The following IL3 variants were observed in gnomAD, a reference collection of about 807,000 sequenced individuals.
IL3 encodes the protein interleukin-3.
IL3 carries 15 observed loss-of-function variants against 15.4 expected under a neutral mutation model. The ratio of observed to expected loss-of-function variants is 0.97; its 90% CI spans 0.65 to 1.50. The LOEUF (loss-of-function observed/expected upper bound fraction) is 1.50. Ranked by LOEUF, IL3 falls within the 40% of genes most tolerant of loss-of-function variation. The pLI is 0.00. For synonymous variants in IL3, 74 were observed against 79.3 expected, an observed-to-expected ratio of 0.93 and a Z score of 0.36; for missense variants, 162 against 192.2, an observed-to-expected ratio of 0.84 and a Z score of 0.93.
At chr5:132,060,946 T>C in intron 1 of IL3, 21 bp from the exon 2 acceptor site, 3 of 1,614,006 alleles carry the variant, frequency 1.9e-6, no homozygotes, top group Non-Finnish European at 2.5e-6. Context: ...CATGGGCCTT[T>C]CTCTCCCTTC....
chr5:132,063,094 G>T lies in IL3; in HGVS notation c.*303G>T. On this transcript the variant is annotated 3_prime_UTR_variant, in exon 5 of 5. Transcript: ENST00000296870. Reference sequence around the variant, plus strand: ...GTATTTATTTTAGCAGAGGAGCCATGTCCTGCTGCTTCTGCAAAAAACTCA... The same window carrying T: ...GTATTTATTTTAGCAGAGGAGCCATTTCCTGCTGCTTCTGCAAAAAACTCA... 1 of 264,046 alleles carries T rather than the reference G, an allele frequency of 3.8e-6. No homozygotes were observed. The highest frequency in any genetic ancestry group is 8.2e-5 in the East Asian group (1 of 12,206). 16.4% of individuals were successfully genotyped at this position (264,046 alleles called of 1,614,324 possible).
At chr5:132,061,990 G>A (rs1756487901) in intron 2 of IL3, among the ~76,000 whole-genome samples, 1 of 152,068 alleles carries the variant, frequency 6.6e-6, no homozygotes, top group Non-Finnish European at 1.5e-5. Flanking sequence ...TCTTGAACTC[G>A]ACCTCAGGTT....
intron 1 of IL3, 49 bp downstream of exon 1, chr5:132,060,917 G>A: frequency 1.2e-6 from 2 of 1,612,288 alleles, no homozygotes; most frequent in Non-Finnish European, 1.7e-6. Context: ...GGTGGTGGCT[G>A]CCTAAGGCCA....
Position 132,062,372 on chromosome 5 carries a change from A to C in IL3, c.265A>C (p.Asn89His). ...CAACAGGGCTGTCAAGAGTTTACAG[A>C]ACGCATCAGCAATTGAGAGCATTCT... ...AFNRAVKSLQNASAIESILKN... is the reference protein window; with the variant it reads ...AFNRAVKSLQHASAIESILKN... Residue 89 changes from asparagine (N) to histidine (H), a missense_variant, in exon 3 of 5, where the codon AAC becomes CAC. Coordinates refer to ENST00000296870, the MANE Select transcript of IL3 (RefSeq NM_000588.4). 3.1e-6 allele frequency: 5 copies of C among 1,614,210 alleles called. No individual in the cohort carries two copies. Among genetic ancestry groups the C allele is most frequent in the Non-Finnish European group, 4.2e-6 (5 of 1,180,020 alleles).
At chr5:132,061,354 G>A (rs1340241011) in intron 2 of IL3, among the ~76,000 whole-genome samples, 3 of 152,210 alleles carry the variant, frequency 2.0e-5, no homozygotes, top group Admixed American at 1.3e-4. Context: ...CCTCAGATGT[G>A]CCAGCTTCTT....
At position 132,060,780 on chromosome 5, in the gene IL3, C is replaced by T; in HGVS notation, c.74C>T (p.Thr25Ile). 1.2e-6 allele frequency: 2 copies of T among 1,614,238 alleles called. No individual in the cohort carries two copies. The highest frequency in any genetic ancestry group is 1.1e-5 in the South Asian group (1 of 91,082). Residue 25 changes from threonine to isoleucine, a missense_variant, in exon 1 of 5, where the codon ACA becomes ATA. By Grantham distance (89) the Thr-to-Ile change is moderately conservative. Coordinates refer to ENST00000296870, the MANE Select transcript of IL3 (RefSeq NM_000588.4). ...RPGLQAPMTQ[T>I]TPLKTSWVNC... ...GGACTCCAAGCTCCCATGACCCAGA[C>T]AACGCCCTTGAAGACAAGCTGGGTT...
In IL3 at chr5:132,062,684, A is replaced by G. The variant is rs771110145; in HGVS notation, c.352A>G (p.Ile118Val). ...TTCTTTATAGCGACATCCAATCCAT[A>G]TCAAGGACGGTGACTGGAATGAATT... ...TAAPTRHPIH[I>V]KDGDWNEFRR... Residue 118 changes from isoleucine (I) to valine (V), a missense_variant, in exon 5 of 5, where the codon ATC becomes GTC. Physicochemically the swap from Ile to Val is conservative, Grantham distance 29. Coordinates refer to ENST00000296870, the MANE Select transcript of IL3 (RefSeq NM_000588.4). The G allele has an allele frequency of 7.4e-5, 120 of 1,614,042 alleles. No homozygotes were observed. Among genetic ancestry groups the G allele is most frequent in the Non-Finnish European group, 9.2e-5 (108 of 1,180,014 alleles).
In IL3 at chr5:132,060,711, G is replaced by C. The variant is rs1179756526; in HGVS notation, c.5G>C (p.Ser2Thr). Residue 2 changes from serine (S) to threonine (T), a missense_variant, in exon 1 of 5, where the codon AGC (serine) becomes ACC (threonine). Coordinates refer to ENST00000296870, the MANE Select transcript of IL3 (RefSeq NM_000588.4). ...GTGCCTCCTGCCGATCCAAACATGA[G>C]CCGCCTGCCCGTCCTGCTCCTGCTC... is the stretch of plus-strand genomic sequence containing the variant. M[S>T]RLPVLLLLQL... 6.8e-6 allele frequency: 11 copies of C among 1,612,912 alleles called. No individual in the cohort carries two copies. Among genetic ancestry groups the C allele is most frequent in the Non-Finnish European group, 9.3e-6 (11 of 1,180,034 alleles).
chr5:132,062,241 T>A, intron 2 of IL3, 71 bp from the exon 3 acceptor site: 7 of 1,227,474 alleles, frequency 5.7e-6, no homozygotes, highest in Non-Finnish European at 8.4e-6. Flanking sequence ...ACTGTGGGGG[T>A]GACTTCCACC....
chr5:132,062,629 C>T lies in IL3; in HGVS notation c.337-40C>T, dbSNP rs373135322. The T allele has an allele frequency of 4.2e-5, 67 of 1,612,854 alleles. No homozygotes were observed. In the Middle Eastern group the frequency reaches 4.9e-4, roughly 12 times the overall value. On this transcript the variant is annotated intron_variant, in intron 4 of 4. Coordinates refer to ENST00000296870, the MANE Select transcript of IL3 (RefSeq NM_000588.4). ...CCTCAGCTGGTCATCACCATTACAGCCTGGACTCACCTAATGCCACCTTCT... is the reference window on the plus strand; with the variant it reads ...CCTCAGCTGGTCATCACCATTACAGTCTGGACTCACCTAATGCCACCTTCT...
intron 2 of IL3, 52 bp from the exon 3 acceptor site, chr5:132,062,260 G>A (rs1294676955): frequency 4.3e-6 from 6 of 1,401,300 alleles, no homozygotes; most frequent in Non-Finnish European, 6.1e-6. Flanking sequence ...CCTGCTTGTG[G>A]GAGGGATACT....
At chr5:132,061,272 G>T (rs1756472822) in intron 2 of IL3, among the ~76,000 whole-genome samples, 1 of 152,220 alleles carries the variant, frequency 6.6e-6, no homozygotes, top group Non-Finnish European at 1.5e-5. Context: ...GCAGTTCTAG[G>T]TGAGGAATAC....
chr5:132,061,239 C>A (rs145738491), intron 2 of IL3, among the ~76,000 whole-genome samples: 83 of 152,284 alleles, frequency 5.5e-4, no homozygotes, highest in Middle Eastern at 3.4e-3. Flanking sequence ...ATGAAAATGA[C>A]TTTTAAATTA....
In IL3 at chr5:132,062,895, G is replaced by C. The variant is rs903556375; in HGVS notation, c.*104G>C. On this transcript the variant is annotated 3_prime_UTR_variant, in exon 5 of 5. Coordinates refer to ENST00000296870, the MANE Select transcript of IL3 (RefSeq NM_000588.4). The stretch of plus-strand genomic sequence containing the variant: ...TCTGGGTCATCTCTCACACATTCCA[G>C]GACCAGAAGCATTTCACCTTTTCCT... 2.0e-5 allele frequency: 29 copies of C among 1,425,798 alleles called. No homozygotes were observed. In the African/African-American group the frequency reaches 3.9e-4, roughly 19 times the overall value. The allele number at this position is 1,425,798 out of a possible 1,614,324, so 88.3% of individuals were successfully genotyped here.
rs1466019246 is a variant in IL3 at position 132,060,849 on chromosome 5, A to G, written c.143A>G (p.Gln48Arg). 1 of 1,614,072 alleles carries G rather than the reference A, an allele frequency of 6.2e-7. No individual in the cohort carries two copies. Among genetic ancestry groups the G allele is most frequent in the African/African-American group, 1.3e-5 (1 of 74,932 alleles). ...GATGAAATTATAACACACTTAAAGC[A>G]GCCACCTTTGCCTTTGCTGGTGAGT... ...MIDEIITHLK[Q>R]PPLPLLDFNN... is the part of the protein sequence containing the mutation. The change falls in exon 1 of 5, where the codon CAG becomes CGG. Residue 48 changes from glutamine (Q) to arginine (R), a missense_variant. Gln to Arg is a conservative substitution (Grantham distance 43). Coordinates refer to ENST00000296870, the MANE Select transcript of IL3 (RefSeq NM_000588.4).
rs1192382285 is a variant in IL3 at position 132,060,860 on chromosome 5, C to T, written c.154C>T (p.Pro52Ser). Residue 52 changes from proline to serine, a missense_variant, in exon 1 of 5, where the codon CCT (proline) becomes TCT (serine). Physicochemically the swap from Pro to Ser is moderately conservative, Grantham distance 74. Transcript: ENST00000296870. ...IITHLKQPPL[P>S]LLDFNNLNGE... ...AACACACTTAAAGCAGCCACCTTTG[C>T]CTTTGCTGGTGAGTAGCTTGGATAA... 6.2e-7 allele frequency: 1 copy of T among 1,614,036 alleles called. No individual in the cohort carries two copies.
rs750695148 is a variant in IL3, at chr5:132,060,934, C to G, written c.163-33C>G. On this transcript the variant is annotated intron_variant, in intron 1 of 4. Coordinates refer to ENST00000296870, the MANE Select transcript of IL3 (RefSeq NM_000588.4). ...TGGTGGCTGCCTAAGGCCAAAAGGCCTCATGGGCCTTTCTCTCCCTTCACC... is the reference window on the plus strand; with the variant it reads ...TGGTGGCTGCCTAAGGCCAAAAGGCGTCATGGGCCTTTCTCTCCCTTCACC... 8.1e-6 allele frequency: 13 copies of G among 1,613,702 alleles called. No homozygotes were observed. The South Asian group carries it at 1.4e-4, about 18-fold the overall frequency.
In IL3 at chr5:132,062,836, T is replaced by A; in HGVS notation, c.*45T>A. 6.3e-7 allele frequency: 1 copy of A among 1,579,612 alleles called. No homozygotes were observed. Among genetic ancestry groups the A allele is most frequent in the Non-Finnish European group, 8.6e-7 (1 of 1,161,892 alleles). ...CTCTGGGCCTTCTCACCACAGAGCC[T>A]CGGGACATCAAAAACAGCAGAACTT... On this transcript the variant is annotated 3_prime_UTR_variant, in exon 5 of 5. Coordinates refer to ENST00000296870, the MANE Select transcript of IL3 (RefSeq NM_000588.4).
chr5:132,060,918 C>T (rs2127005888), intron 1 of IL3, 49 bp from the exon 2 acceptor site: 1 of 1,612,806 alleles, frequency 6.2e-7, no homozygotes, highest in African/African-American at 1.3e-5. Flanking sequence ...GTGGTGGCTG[C>T]CTAAGGCCAA....
Sources: gnomAD v4.1 joint callset for allele counts (sites outside exome capture counted in the v4.1 genomes callset) on GRCh38, gnomAD v4.1.1 for gene constraint, MANE v1.5 for transcripts, NCBI Gene and HGNC (gene_info 2026-07-23, HGNC 2026-07-21) for gene names.